NTRK2: variants seen among roughly 807,000 people sequenced by gnomAD.
NTRK2 encodes the protein neurotrophic receptor tyrosine kinase 2, also known as BDNF/NT-3 growth factors receptor.
A neutral mutation model predicts 94.5 loss-of-function variants in NTRK2; 13 were observed. The observed-to-expected ratio is 0.14, with a 90% CI of 0.09 to 0.22. The LOEUF (loss-of-function observed/expected upper bound fraction) is 0.22, where lower values mean the gene tolerates loss of function less well. Among genes scored for constraint, NTRK2 ranks in the 10% least tolerant of loss-of-function variants. NTRK2 has a pLI of 1.00. For missense variants in NTRK2, 639 were observed against 1,071.2 expected (o/e 0.60, Z 5.63); for synonymous variants, 372 against 407.4 (o/e 0.91, Z 1.05).
At chr9:84,791,661 T>G (rs1006988362) in intron 12 of NTRK2, among the ~76,000 whole-genome samples, 2 of 152,232 alleles carry the variant, frequency 1.3e-5, no homozygotes, top group Non-Finnish European at 2.9e-5. Context: ...CTCGTAGAAG[T>G]AATGTTTTGT....
chr9:84,727,860 A>G lies in NTRK2; in HGVS notation c.1060A>G (p.Met354Val), dbSNP rs762253055. ...CCTCCAGCTGGATAATCCCACTCACATGAACAATGGGGACTACACTCTAAT... is the reference window on the plus strand; with the variant it reads ...CCTCCAGCTGGATAATCCCACTCACGTGAACAATGGGGACTACACTCTAAT... ...GCLQLDNPTHMNNGDYTLIAK... is the reference protein window; with the variant it reads ...GCLQLDNPTHVNNGDYTLIAK... The change falls in exon 9 of 19, where the codon ATG becomes GTG. Residue 354 changes from methionine (M) to valine (V), a missense_variant. Physicochemically the swap from Met to Val is conservative, Grantham distance 21. Coordinates refer to ENST00000277120, the MANE Select transcript of NTRK2 (RefSeq NM_006180.6). 8.7e-6 allele frequency: 14 copies of G among 1,614,076 alleles called. No individual in the cohort carries two copies. Among genetic ancestry groups the G allele is most frequent in the South Asian group, 2.2e-5 (2 of 91,090 alleles).
chr9:84,677,744 G>C lies in NTRK2; in HGVS notation c.212+6784G>C, dbSNP rs75658524. Among the ~76,000 whole-genome samples, 821 of 152,248 alleles carry C rather than the reference G, an allele frequency of 5.4e-3. 8 individuals are homozygous for C. Among genetic ancestry groups the C allele is most frequent in the African/African-American group, 0.019 (784 of 41,534 alleles). On this transcript the variant is annotated intron_variant, in intron 2 of 18. Transcript: ENST00000277120. Reference sequence around the variant, plus strand: ...AATTCTAGGAGAGGTCTAGAGATTTGAATTCATGTTCACAGATTAAACTTC... The same window carrying C: ...AATTCTAGGAGAGGTCTAGAGATTTCAATTCATGTTCACAGATTAAACTTC...
chr9:84,808,399 G>A (rs564003223), intron 12 of NTRK2, among the ~76,000 whole-genome samples: 1 of 152,320 alleles, frequency 6.6e-6, no homozygotes, highest in African/African-American at 2.4e-5. Flanking sequence ...GGTTAATCGT[G>A]TTATTGAGTC....
intron 14 of NTRK2, among the ~76,000 whole-genome samples, chr9:84,885,813 G>A (rs779744198): frequency 1.1e-4 from 16 of 152,010 alleles, no homozygotes; most frequent in Non-Finnish European, 1.6e-4. Context: ...GGATTATGAG[G>A]TCGAGGTCAG....
chr9:84,918,628 T>C (rs2077468718), intron 14 of NTRK2, among the ~76,000 whole-genome samples: 1 of 152,232 alleles, frequency 6.6e-6, no homozygotes, highest in Non-Finnish European at 1.5e-5. Context: ...AACTCTTTGC[T>C]TTGGCAACTC....
At chr9:84,744,435 T>C (rs2063891439) in intron 10 of NTRK2, among the ~76,000 whole-genome samples, 1 of 152,164 alleles carries the variant, frequency 6.6e-6, no homozygotes, top group Admixed American at 6.5e-5. Flanking sequence ...CTCTTACGTC[T>C]CTGCCCTTTG....
At chr9:85,010,381 G>C (rs1316376377) in intron 17 of NTRK2, among the ~76,000 whole-genome samples, 2 of 152,182 alleles carry the variant, frequency 1.3e-5, no homozygotes, top group Non-Finnish European at 2.9e-5. Context: ...AGGGTGCAAT[G>C]CCTTTGTCTC....
At chr9:84,897,303 A>G (rs1347726331) in intron 14 of NTRK2, among the ~76,000 whole-genome samples, 2 of 151,932 alleles carry the variant, frequency 1.3e-5, no homozygotes, top group Non-Finnish European at 2.9e-5. Flanking sequence ...CACCCAGCTA[A>G]TTTTTGTATT....
chr9:84,925,201 C>CTTTTTTTTTTTTTT lies in NTRK2; in HGVS notation c.1634-8960_1634-8947dup, dbSNP rs562875058. On this transcript the variant is annotated intron_variant, in intron 14 of 18. Coordinates refer to ENST00000277120, the MANE Select transcript of NTRK2 (RefSeq NM_006180.6). ...CTCTGCCTTCTTCTCTTCTCTTCTT[C>CTTTTTTTTTTTTTT]TTTTTTTTTTTTTTGGAGCTATTTT... 1.8e-4 allele frequency among the ~76,000 whole-genome samples: 25 copies of CTTTTTTTTTTTTTT among 141,276 alleles called. 1 individual carries two copies. The highest frequency in any genetic ancestry group is 6.3e-4 in the African/African-American group (24 of 38,248). The allele number at this position is 141,276 out of a possible 152,430, so 92.7% of individuals were successfully genotyped here.
chr9:84,914,399 C>T (rs561463850), intron 14 of NTRK2, among the ~76,000 whole-genome samples: 241 of 152,100 alleles, frequency 1.6e-3, no homozygotes, highest in African/African-American at 5.6e-3. Context: ...ACTGATTTTT[C>T]CTTATTGAAA....
chr9:84,810,461 G>T lies in NTRK2; in HGVS notation c.1397-50579G>T, dbSNP rs2071648013. Reference sequence around the variant, plus strand: ...TGATGTTTATTTATTATGTTCATTTGAAAGTTATTGTACTTGTATGTTAAT... The same window carrying T: ...TGATGTTTATTTATTATGTTCATTTTAAAGTTATTGTACTTGTATGTTAAT... On this transcript the variant is annotated intron_variant, in intron 12 of 18. Coordinates refer to ENST00000277120, the MANE Select transcript of NTRK2 (RefSeq NM_006180.6). 3 of 1,268,326 alleles carry T rather than the reference G, an allele frequency of 2.4e-6. No homozygotes were observed. In the South Asian group the frequency reaches 3.8e-5, roughly 16 times the overall value. 78.6% of individuals were successfully genotyped at this position (1,268,326 alleles called of 1,614,324 possible). A position where few individuals can be genotyped will look rare whatever the true frequency, so the allele number is the denominator to read the frequency against.
At chr9:84,961,109 A>G (rs1052550283) in intron 17 of NTRK2, among the ~76,000 whole-genome samples, 5 of 152,214 alleles carry the variant, frequency 3.3e-5, no homozygotes, top group Admixed American at 3.3e-4. Context: ...ACTTACTTCT[A>G]TTGATTACCA....
intron 5 of NTRK2, among the ~76,000 whole-genome samples, chr9:84,708,264 C>T (rs1203550306): frequency 6.6e-6 from 1 of 152,058 alleles, no homozygotes; most frequent in Non-Finnish European, 1.5e-5. Flanking sequence ...TGGTTTGGTT[C>T]CTGTTGGATC....
At chr9:84,735,663 C>T (rs2063208210) in intron 9 of NTRK2, among the ~76,000 whole-genome samples, 1 of 152,194 alleles carries the variant, frequency 6.6e-6, no homozygotes, top group Non-Finnish European at 1.5e-5. Flanking sequence ...AAAGTAGAGA[C>T]AGCAGTTGCA....
intron 2 of NTRK2, among the ~76,000 whole-genome samples, chr9:84,681,954 A>G (rs113004915): frequency 7.4e-4 from 113 of 152,350 alleles, no homozygotes; most frequent in African/African-American, 2.5e-3. Context: ...TATAAAAAAG[A>G]ACAAATTATA....
At chr9:84,705,126 A>G (rs1417183878) in intron 4 of NTRK2, among the ~76,000 whole-genome samples, 2 of 152,090 alleles carry the variant, frequency 1.3e-5, no homozygotes, top group Non-Finnish European at 2.9e-5. Context: ...AAAAATGCAT[A>G]CAAGATCAGT....
intron 12 of NTRK2, among the ~76,000 whole-genome samples, chr9:84,854,396 T>C (rs949856083): frequency 2.6e-4 from 40 of 152,180 alleles, no homozygotes; most frequent in African/African-American, 8.7e-4. Flanking sequence ...TACTTTTGCT[T>C]GAATCCTTAG....
intron 12 of NTRK2, among the ~76,000 whole-genome samples, chr9:84,829,457 G>A (rs969606619): frequency 6.6e-6 from 1 of 152,146 alleles, no homozygotes; most frequent in African/African-American, 2.4e-5. Flanking sequence ...TCCTAGATTT[G>A]GTTTCTGCCC....
chr9:84,991,960 T>C (rs12000011), intron 17 of NTRK2, among the ~76,000 whole-genome samples: 112,179 of 151,972 alleles, frequency 0.74, 42,170 homozygotes, highest in African/African-American at 0.84. Context: ...CCACAACCAG[T>C]GCCTCCTCCT....
Sources: gnomAD v4.1 joint callset for allele counts (sites outside exome capture counted in the v4.1 genomes callset) on GRCh38, gnomAD v4.1.1 for gene constraint, MANE v1.5 for transcripts, NCBI Gene and HGNC (gene_info 2026-07-23, HGNC 2026-07-21) for gene names.